Variants in CSMD1 observed in about 807,000 individuals in gnomAD.
CSMD1 encodes CUB and Sushi multiple domains 1, also known as CUB and sushi domain-containing protein 1.
CSMD1 carries 213 observed loss-of-function variants against 417.5 expected under a neutral mutation model. The observed-to-expected ratio is 0.51, with a 90% CI of 0.46 to 0.57. The LOEUF is 0.57. Among genes scored for constraint, CSMD1 ranks in the 20% least tolerant of loss-of-function variants. CSMD1 has a pLI of 0.00. For missense variants in CSMD1, 6,923 were observed against 4,529.7 expected (o/e 1.53, Z -15.17); for synonymous variants, 2,862 against 1,736.8 (o/e 1.65, Z -16.11).
chr8:3,952,870 C>G (rs1395667943), intron 5 of CSMD1, among the ~76,000 whole-genome samples: 1 of 152,062 alleles, frequency 6.6e-6, no homozygotes, highest in African/African-American at 2.4e-5. Context: ...GAGCAAAAAA[C>G]AAATCATCTC....
chr8:3,998,223 T>G, intron 4 of CSMD1, 113 bp from the exon 5 acceptor site: 1 of 831,540 alleles, frequency 1.2e-6, no homozygotes, highest in Non-Finnish European at 1.9e-6. Flanking sequence ...GAACCCAAAA[T>G]TGAGACACTC....
intron 1 of CSMD1, among the ~76,000 whole-genome samples, chr8:4,775,415 C>A (rs1233569422): frequency 1.3e-5 from 2 of 151,474 alleles, no homozygotes; most frequent in South Asian, 2.1e-4. Flanking sequence ...ATGAAGTATA[C>A]AATAAAACAG....
chr8:4,343,380 C>T (rs1800591175), intron 3 of CSMD1, among the ~76,000 whole-genome samples: 1 of 151,952 alleles, frequency 6.6e-6, no homozygotes, highest in Non-Finnish European at 1.5e-5. Context: ...TTAATATTCT[C>T]TTGCTAAGAG....
chr8:4,584,152 G>A (rs1364659365), intron 2 of CSMD1, among the ~76,000 whole-genome samples: 6 of 151,950 alleles, frequency 3.9e-5, no homozygotes, highest in African/African-American at 4.8e-5. Flanking sequence ...CTCCAGACGC[G>A]CCACCTTAAG....
At chr8:3,087,694 A>G (rs1461762938) in intron 48 of CSMD1, among the ~76,000 whole-genome samples, 1 of 152,228 alleles carries the variant, frequency 6.6e-6, no homozygotes, top group Non-Finnish European at 1.5e-5. Flanking sequence ...AAGTTTACAA[A>G]TCTGTGTTGG....
intron 3 of CSMD1, among the ~76,000 whole-genome samples, chr8:4,397,745 A>T (rs1804353371): frequency 6.6e-6 from 1 of 152,106 alleles, no homozygotes; most frequent in African/African-American, 2.4e-5. Flanking sequence ...AATATGTTTG[A>T]ATAACAAAGA....
At chr8:3,319,980 C>CA (rs1341644029) in intron 23 of CSMD1, among the ~76,000 whole-genome samples, 3 of 152,088 alleles carry the variant, frequency 2.0e-5, no homozygotes, top group Non-Finnish European at 2.9e-5. Context: ...AAGTCTCTAC[C>CA]AGTGGCTTAG....
At chr8:4,226,710 AG>A (rs1404867682) in intron 3 of CSMD1, among the ~76,000 whole-genome samples, 2 of 152,158 alleles carry the variant, frequency 1.3e-5, no homozygotes, top group African/African-American at 4.8e-5. Flanking sequence ...TCTTTAAAAA[AG>A]AAAAAAAAAT....
chr8:3,306,252 G>C (rs886539145), intron 25 of CSMD1, among the ~76,000 whole-genome samples: 1 of 152,084 alleles, frequency 6.6e-6, no homozygotes, highest in African/African-American at 2.4e-5. Context: ...AAAATCATTT[G>C]TTTATAAATA....
At chr8:3,295,373 G>T (rs900346974) in intron 25 of CSMD1, among the ~76,000 whole-genome samples, 1 of 152,028 alleles carries the variant, frequency 6.6e-6, no homozygotes, top group Non-Finnish European at 1.5e-5. Context: ...TGATCCACCC[G>T]CCTCGGCCTC....
At chr8:3,426,841 G>A (rs563446850) in intron 12 of CSMD1, among the ~76,000 whole-genome samples, 2 of 152,212 alleles carry the variant, frequency 1.3e-5, no homozygotes, top group African/African-American at 4.8e-5. Context: ...GTCCATATTT[G>A]TACTACTATA....
At chr8:4,374,738 G>A (rs1461048725) in intron 3 of CSMD1, among the ~76,000 whole-genome samples, 2 of 152,154 alleles carry the variant, frequency 1.3e-5, no homozygotes, top group African/African-American at 2.4e-5. Flanking sequence ...AGCATGAGCA[G>A]CAGAGACGTC....
Position 3,187,185 on chromosome 8 carries a change from G to A in CSMD1, c.5620+684C>T, listed in dbSNP as rs148138987. Among the ~76,000 whole-genome samples the A allele has an allele frequency of 8.5e-5, 13 of 152,326 alleles. No individual in the cohort carries two copies. The East Asian group carries it at 1.3e-3, about 16-fold the overall frequency. On this transcript the variant is annotated intron_variant, in intron 36 of 69. Coordinates refer to ENST00000635120, the MANE Select transcript of CSMD1 (RefSeq NM_033225.6). Reference sequence around the variant, plus strand: ...ACTGATCATCATCACTGCTCATGAAGTTTGAGTCCTAATGCTATTACAGTG... The same window carrying A: ...ACTGATCATCATCACTGCTCATGAAATTTGAGTCCTAATGCTATTACAGTG...
intron 1 of CSMD1, among the ~76,000 whole-genome samples, chr8:4,888,550 G>C (rs1453816315): frequency 6.6e-6 from 1 of 152,000 alleles, no homozygotes; most frequent in African/African-American, 2.4e-5. Flanking sequence ...GTTTATGTGA[G>C]AGTCTATGGA....
chr8:4,442,356 C>G (rs1798534886), intron 2 of CSMD1, among the ~76,000 whole-genome samples: 2 of 152,118 alleles, frequency 1.3e-5, no homozygotes, highest in Admixed American at 6.5e-5. Context: ...ATCCCATTCC[C>G]ACACGTTTGC....
chr8:3,838,797 T>A lies in CSMD1; in HGVS notation c.819-84755A>T, dbSNP rs1399415274. Among the ~76,000 whole-genome samples, 187 of 110,792 alleles carry A rather than the reference T, an allele frequency of 1.7e-3. 36 individuals carry two copies. Among genetic ancestry groups the A allele is most frequent in the African/African-American group, 6.7e-3 (174 of 25,996 alleles). 72.7% of individuals were successfully genotyped at this position (110,792 alleles called of 152,430 possible). A position where few individuals can be genotyped will look rare whatever the true frequency, so the allele number is the denominator to read the frequency against. On this transcript the variant is annotated intron_variant, in intron 5 of 69. Transcript: ENST00000635120. ...TATAATAAATTGATATTATATAGTATAATATATAATAATTATATATACTAT... is the reference window on the plus strand; with the variant it reads ...TATAATAAATTGATATTATATAGTAAAATATATAATAATTATATATACTAT...
chr8:3,004,652 A>G (rs1327352487), intron 52 of CSMD1, among the ~76,000 whole-genome samples: 3 of 152,228 alleles, frequency 2.0e-5, no homozygotes, highest in Admixed American at 6.5e-5. Flanking sequence ...TAACAATTCA[A>G]TTACTACCAC....
At chr8:4,499,278 C>T (rs1011024101) in intron 2 of CSMD1, among the ~76,000 whole-genome samples, 12 of 152,032 alleles carry the variant, frequency 7.9e-5, no homozygotes, top group Non-Finnish European at 1.6e-4. Context: ...AGAAAGCAGC[C>T]CAGGTAAAAG....
chr8:2,938,338 G>C lies in CSMD1; in HGVS notation c.*247C>G, dbSNP rs1801636671. The C allele has an allele frequency of 2.3e-6, 1 of 438,796 alleles. No individual in the cohort carries two copies. The highest frequency in any genetic ancestry group is 4.0e-6 in the Non-Finnish European group (1 of 248,476). The allele number at this position is 438,796 out of a possible 1,614,324, so 27.2% of individuals were successfully genotyped here. A position where few individuals can be genotyped will look rare whatever the true frequency, so the allele number is the denominator to read the frequency against. On this transcript the variant is annotated 3_prime_UTR_variant, in exon 70 of 70. Transcript: ENST00000635120. Reference sequence around the variant, plus strand: ...TGGCAGTCTTCCTGGAGTGTGCCTTGATTTCATACAGATGCAGCCAGGCAT... The same window carrying C: ...TGGCAGTCTTCCTGGAGTGTGCCTTCATTTCATACAGATGCAGCCAGGCAT...
Sources: gnomAD v4.1 joint callset for allele counts (sites outside exome capture counted in the v4.1 genomes callset) on GRCh38, gnomAD v4.1.1 for gene constraint, MANE v1.5 for transcripts, NCBI Gene and HGNC (gene_info 2026-07-23, HGNC 2026-07-21) for gene names.